Variants in ARID4B observed in about 807,000 individuals in gnomAD.
ARID4B encodes the protein AT-rich interaction domain 4B, also known as AT-rich interactive domain-containing protein 4B.
Under a neutral mutation model 147.5 loss-of-function variants are expected in ARID4B, and 26 were observed. The ratio of observed to expected loss-of-function variants is 0.18; its 90% CI spans 0.13 to 0.24. The LOEUF is 0.24. Among genes scored for constraint, ARID4B ranks in the 10% least tolerant of loss-of-function variants. The pLI, the probability that ARID4B is intolerant of heterozygous loss-of-function variation, is 1.00. For missense variants in ARID4B, 1,179 were observed against 1,511.5 expected (o/e 0.78, Z 3.65); for synonymous variants, 512 against 507.9 (o/e 1.01, Z -0.11).
At chr1:235,235,953 T>C (rs1365477918) in intron 8 of ARID4B, among the ~76,000 whole-genome samples, 1 of 151,566 alleles carries the variant, frequency 6.6e-6, no homozygotes, top group Non-Finnish European at 1.5e-5. Flanking sequence ...TTCTTTTTTT[T>C]TTTTTGAGAC....
chr1:235,283,891 C>T (rs1337101351), intron 2 of ARID4B, among the ~76,000 whole-genome samples: 1 of 152,056 alleles, frequency 6.6e-6, no homozygotes, highest in East Asian at 1.9e-4. Flanking sequence ...TGCGCCACCA[C>T]ACCCTGCTAA....
In ARID4B at chr1:235,246,514, G is replaced by A; in HGVS notation, c.355-3C>T. ...GTGAGTGGGAGCTGGTCTAATGTCT[G>A]TGGGTAAGAACATAAACCCATCAAA... On this transcript the variant is annotated splice_polypyrimidine_tract_variant and splice_region_variant and intron_variant, in intron 6 of 23. Transcript: ENST00000264183. 6.2e-7 allele frequency: 1 copy of A among 1,610,058 alleles called. No homozygotes were observed.
At chr1:235,193,178 C>CTTGAGCCTAGGA (rs1479444891) in intron 19 of ARID4B, among the ~76,000 whole-genome samples, 4 of 152,018 alleles carry the variant, frequency 2.6e-5, no homozygotes, top group Non-Finnish European at 4.4e-5. Flanking sequence ...AGGCCAATTG[C>CTTGAGCCTAGGA]TTGAGCCTAG....
chr1:235,296,855 A>AGGAAGGG (rs1672776052), intron 2 of ARID4B, among the ~76,000 whole-genome samples: 1 of 33,534 alleles, frequency 3.0e-5, no homozygotes, highest in Admixed American at 3.5e-4. Flanking sequence ...GGAGGGAGGG[A>AGGAAGGG]AGGAAGGGAG....
At chr1:235,254,463 T>C (rs1245122954) in intron 5 of ARID4B, among the ~76,000 whole-genome samples, 3 of 151,828 alleles carry the variant, frequency 2.0e-5, no homozygotes, top group African/African-American at 7.2e-5. Context: ...AATCTGTTTG[T>C]AAAACAAAAA....
chr1:235,240,998 T>C (rs1246893980), intron 7 of ARID4B, among the ~76,000 whole-genome samples: 3 of 152,160 alleles, frequency 2.0e-5, no homozygotes, highest in Non-Finnish European at 4.4e-5. Flanking sequence ...TTTTGTATGA[T>C]GCTAAAAACT....
chr1:235,258,136 G>C (rs1299370677), intron 3 of ARID4B, among the ~76,000 whole-genome samples: 1 of 152,142 alleles, frequency 6.6e-6, no homozygotes, highest in East Asian at 1.9e-4. Context: ...GATGGGACCA[G>C]CCTGGTTAAC....
rs1219178351 is a variant in ARID4B at position 235,221,728 on chromosome 1, A to G, written c.1066-66T>C. 9.3e-6 allele frequency: 8 copies of G among 859,494 alleles called. No homozygotes were observed. In the East Asian group the frequency reaches 2.0e-4, roughly 21 times the overall value. The allele number at this position is 859,494 out of a possible 1,614,324, so 53.2% of individuals were successfully genotyped here. ...TGTTAATATAATAACATTTTGATAG[A>G]CACAGTATATATGAGTATATTTTTA... On this transcript the variant is annotated intron_variant, in intron 13 of 23. Coordinates refer to ENST00000264183, the MANE Select transcript of ARID4B (RefSeq NM_016374.6).
intron 19 of ARID4B, among the ~76,000 whole-genome samples, chr1:235,189,509 C>CA (rs768802301): frequency 6.9e-6 from 1 of 144,990 alleles, no homozygotes; most frequent in Non-Finnish European, 1.5e-5. Context: ...AATAAAAAGA[C>CA]AAAAAAATTA....
chr1:235,248,830 A>G (rs971630811), intron 6 of ARID4B, among the ~76,000 whole-genome samples: 26 of 152,186 alleles, frequency 1.7e-4, no homozygotes, highest in African/African-American at 6.0e-4. Context: ...ACCTGGGGGT[A>G]GGGTAGAATT....
intron 7 of ARID4B, among the ~76,000 whole-genome samples, chr1:235,242,416 T>A (rs1372814648): frequency 2.0e-5 from 3 of 152,218 alleles, no homozygotes; most frequent in Non-Finnish European, 4.4e-5. Flanking sequence ...CTCACAAGTC[T>A]GATTTCTACT....
At position 235,220,286 on chromosome 1, in the gene ARID4B, A is replaced by G. The variant is rs1667369314; in HGVS notation, c.1407+16T>C. 1 of 1,579,308 alleles carries G rather than the reference A, an allele frequency of 6.3e-7. No individual in the cohort carries two copies. The highest frequency in any genetic ancestry group is 1.9e-5 in the Admixed American group (1 of 52,512). ...TACCAAAGAAAGCAAAAGACAATTA[A>G]CAATATCTGATTTACCAGAGAGGGC... is the stretch of plus-strand genomic sequence containing the variant. On this transcript the variant is annotated intron_variant, in intron 15 of 23. Transcript: ENST00000264183.
rs1340288885 is a variant in ARID4B at position 235,318,557 on chromosome 1, GA to G, written c.6+8356del. Among the ~76,000 whole-genome samples the G allele has an allele frequency of 2.6e-5, 4 of 152,128 alleles. No homozygotes were observed. The East Asian group carries it at 7.7e-4, about 29-fold the overall frequency. On this transcript the variant is annotated intron_variant, in intron 2 of 23. Transcript: ENST00000264183. ...TATGTATTACAGGATTCCGTTAACAGAAAATGCCCAGAATACGCAAATCCTT... is the reference window on the plus strand; with the variant it reads ...TATGTATTACAGGATTCCGTTAACAGAAATGCCCAGAATACGCAAATCCTT...
chr1:235,182,597 T>G lies in ARID4B; in HGVS notation c.2322A>C (p.Pro774=). 1 of 1,612,806 alleles carries G rather than the reference T, an allele frequency of 6.2e-7. No individual in the cohort carries two copies. Among genetic ancestry groups the G allele is most frequent in the Non-Finnish European group, 8.5e-7 (1 of 1,179,706 alleles). Reference sequence around the variant, plus strand: ...TTAATCTTTCTGGAGATTTTGACACTGGTTTGGATATTACCAAATCTGCAT... The same window carrying G: ...TTAATCTTTCTGGAGATTTTGACACGGGTTTGGATATTACCAAATCTGCAT... The part of the protein sequence containing the change: ...KVHADLVISK[P]VSKSPERLRK... The change falls in exon 20 of 24, where the codon CCA becomes CCC. Residue 774 remains proline (P), a synonymous_variant. Transcript: ENST00000264183.
At chr1:235,249,045 A>G (rs1010620662) in intron 6 of ARID4B, among the ~76,000 whole-genome samples, 1 of 152,198 alleles carries the variant, frequency 6.6e-6, no homozygotes, top group Non-Finnish European at 1.5e-5. Context: ...AGAATACCAG[A>G]TAATTGGCTG....
chr1:235,211,204 C>T (rs900500291), intron 17 of ARID4B, among the ~76,000 whole-genome samples: 2 of 152,002 alleles, frequency 1.3e-5, no homozygotes, highest in African/African-American at 4.8e-5. Context: ...CGTGGTGGTG[C>T]GTGCCTATCT....
At chr1:235,257,974 A>C (rs990710990) in intron 3 of ARID4B, among the ~76,000 whole-genome samples, 4 of 152,180 alleles carry the variant, frequency 2.6e-5, no homozygotes, top group Non-Finnish European at 5.9e-5. Flanking sequence ...TCTAGTACCA[A>C]ACATTTAATC....
chr1:235,267,445 T>C (rs1242955332), intron 2 of ARID4B, among the ~76,000 whole-genome samples: 1 of 152,208 alleles, frequency 6.6e-6, no homozygotes, highest in Non-Finnish European at 1.5e-5. Flanking sequence ...TATACTTGCA[T>C]TTATATACCA....
intron 2 of ARID4B, among the ~76,000 whole-genome samples, chr1:235,276,676 G>T (rs1274549664): frequency 6.6e-6 from 1 of 151,938 alleles, no homozygotes; most frequent in Non-Finnish European, 1.5e-5. Flanking sequence ...AAAAAGGAAA[G>T]AAAGAAATTA....
Sources: gnomAD v4.1 joint callset for allele counts (sites outside exome capture counted in the v4.1 genomes callset) on GRCh38, gnomAD v4.1.1 for gene constraint, MANE v1.5 for transcripts, NCBI Gene and HGNC (gene_info 2026-07-23, HGNC 2026-07-21) for gene names.